The following FAM177A1 variants were observed in gnomAD, a reference collection of about 807,000 sequenced individuals.
The protein encoded by FAM177A1 is protein FAM177A1.
Under a neutral mutation model 26.1 loss-of-function variants are expected in FAM177A1, and 22 were observed. The ratio of observed to expected loss-of-function variants is 0.84; its 90% CI spans 0.60 to 1.20. The LOEUF (loss-of-function observed/expected upper bound fraction) is 1.20, where lower values mean the gene tolerates loss of function less well. FAM177A1 is among the 50% of genes most tolerant of loss of function. FAM177A1 has a pLI of 0.00. For missense variants in FAM177A1, 296 were observed against 291.1 expected, an observed-to-expected ratio of 1.02 and a Z score of -0.12; for synonymous variants, 95 against 99.3, an observed-to-expected ratio of 0.96 and a Z score of 0.26.
chr14:35,059,682 C>T (rs1017269109), intron 2 of FAM177A1, among the ~76,000 whole-genome samples: 6 of 151,398 alleles, frequency 4.0e-5, no homozygotes, highest in African/African-American at 4.9e-5. Flanking sequence ...TACAGATGCA[C>T]GCCACCACGT....
At position 35,077,219 on chromosome 14, in the gene FAM177A1, A is replaced by C. The variant is rs773841902; in HGVS notation, c.406+3A>C. Reference sequence around the variant, plus strand: ...GGCTGCTACATCAACTCTCTCAGGTATTGCTTTTCTGCTTGAATATTGTAT... The same window carrying C: ...GGCTGCTACATCAACTCTCTCAGGTCTTGCTTTTCTGCTTGAATATTGTAT... On this transcript the variant is annotated splice_donor_region_variant and intron_variant, in intron 3 of 4. Coordinates refer to ENST00000280987, the MANE Select transcript of FAM177A1 (RefSeq NM_173607.5). 3.1e-6 allele frequency: 5 copies of C among 1,613,126 alleles called. No individual in the cohort carries two copies. Among genetic ancestry groups the C allele is most frequent in the Non-Finnish European group, 4.2e-6 (5 of 1,179,402 alleles).
At position 35,046,499 on chromosome 14, in the gene FAM177A1, C is replaced by T. The variant is rs760824126; in HGVS notation, c.36C>T (p.Leu12=). ...EVGLPAITLF[L]TSASSPVVAT... is the part of the protein sequence containing the mutation. The stretch of plus-strand genomic sequence containing the variant: ...GCTTACCGGCCATTACCCTCTTTCT[C>T]ACCAGCGCCAGCAGCCCTGTGGTGG... Residue 12 remains leucine (L), a synonymous_variant, in exon 1 of 5, where the codon CTC becomes CTT. Coordinates refer to ENST00000280987, the MANE Select transcript of FAM177A1 (RefSeq NM_173607.5). 4.4e-6 allele frequency: 7 copies of T among 1,602,310 alleles called. No homozygotes were observed. In the African/African-American group the frequency reaches 8.1e-5, roughly 18 times the overall value.
intron 3 of FAM177A1, among the ~76,000 whole-genome samples, chr14:35,077,569 G>A (rs1407962565): frequency 1.5e-5 from 2 of 134,024 alleles, no homozygotes; most frequent in East Asian, 2.4e-4. Flanking sequence ...TGCAAGCTCC[G>A]CTTCCCGGGT....
At chr14:35,052,045 A>G (rs1469518998) in intron 1 of FAM177A1, among the ~76,000 whole-genome samples, 2 of 152,198 alleles carry the variant, frequency 1.3e-5, no homozygotes, top group East Asian at 1.9e-4. Context: ...AGAGAATTCT[A>G]CGAACATAGA....
chr14:35,052,684 G>A (rs2044993413), intron 1 of FAM177A1, among the ~76,000 whole-genome samples: 1 of 152,008 alleles, frequency 6.6e-6, no homozygotes, highest in East Asian at 1.9e-4. Context: ...TAAAACTTTG[G>A]GAGGCTGAAG....
chr14:35,046,377 T>C lies in FAM177A1; in HGVS notation c.-87T>C. 1 of 1,350,700 alleles carries C rather than the reference T, an allele frequency of 7.4e-7. No homozygotes were observed. Among genetic ancestry groups the C allele is most frequent in the Non-Finnish European group, 9.6e-7 (1 of 1,038,794 alleles). The allele number at this position is 1,350,700 out of a possible 1,614,324, so 83.7% of individuals were successfully genotyped here. On this transcript the variant is annotated 5_prime_UTR_variant, in exon 1 of 5. Transcript: ENST00000280987. ...CGAGTCCCCTTCTCAGAGACTTGGC[T>C]AGGCGCGGCGCGAGGCGGGCGCTGG...
rs974811522 is a variant in FAM177A1 at position 35,046,485 on chromosome 14, A to G, written c.22A>G (p.Ile8Val). ...AAGGATGGAAGTGGGCTTACCGGCC[A>G]TTACCCTCTTTCTCACCAGCGCCAG... MEVGLPA[I>V]TLFLTSASSP... Residue 8 changes from isoleucine to valine, a missense_variant, in exon 1 of 5, where the codon ATT (isoleucine) becomes GTT (valine). Physicochemically the swap from Ile to Val is conservative, Grantham distance 29. Coordinates refer to ENST00000280987, the MANE Select transcript of FAM177A1 (RefSeq NM_173607.5). The G allele has an allele frequency of 2.5e-6, 4 of 1,598,266 alleles. No individual in the cohort carries two copies. The highest frequency in any genetic ancestry group is 4.6e-5 in the East Asian group (2 of 43,848).
intron 2 of FAM177A1, among the ~76,000 whole-genome samples, chr14:35,059,082 C>A (rs922916361): frequency 6.6e-6 from 1 of 151,904 alleles, no homozygotes; most frequent in African/African-American, 2.4e-5. Flanking sequence ...ATTACAGGTG[C>A]GTGCCACCAC....
chr14:35,049,377 C>G (rs979906147), intron 1 of FAM177A1, among the ~76,000 whole-genome samples: 1 of 152,166 alleles, frequency 6.6e-6, no homozygotes, highest in African/African-American at 2.4e-5. Context: ...GTACCTACCC[C>G]CATGTTGCTA....
At position 35,081,041 on chromosome 14, in the gene FAM177A1, A is replaced by C; in HGVS notation, c.524A>C (p.Glu175Ala). Residue 175 changes from glutamate to alanine, a missense_variant, in exon 5 of 5, where the codon GAA (glutamate) becomes GCA (alanine). By Grantham distance (107) the Glu-to-Ala change is moderately radical. Transcript: ENST00000280987. ...TTTTAGGAAGAAGAAGAAGAAGAAG[A>C]AAACAGGATGTCTGAAGAAGCAGAA... ...MKKEEEEEEE[E>A]NRMSEEAEKQ... 1 of 1,610,072 alleles carries C rather than the reference A, an allele frequency of 6.2e-7. No individual in the cohort carries two copies. Among genetic ancestry groups the C allele is most frequent in the South Asian group, 1.1e-5 (1 of 90,254 alleles).
At chr14:35,072,854 C>G (rs905096822) in intron 2 of FAM177A1, among the ~76,000 whole-genome samples, 5 of 152,150 alleles carry the variant, frequency 3.3e-5, no homozygotes, top group African/African-American at 9.7e-5. Flanking sequence ...CCTCCACCCC[C>G]CCTTTCCTTT....
intron 2 of FAM177A1, among the ~76,000 whole-genome samples, chr14:35,065,731 G>A (rs2045231730): frequency 7.1e-6 from 1 of 141,432 alleles, no homozygotes; most frequent in Admixed American, 7.4e-5. Flanking sequence ...TCACCCTGTC[G>A]CTCAGGCTGG....
intron 2 of FAM177A1, among the ~76,000 whole-genome samples, chr14:35,068,581 TG>T (rs1942442161): frequency 6.6e-6 from 1 of 152,234 alleles, no homozygotes; most frequent in African/African-American, 2.4e-5. Flanking sequence ...TTATATGCCA[TG>T]GGTAACTGGA....
chr14:35,077,212 C>G lies in FAM177A1; in HGVS notation c.402C>G (p.Leu134=). The part of the protein sequence containing the change: ...FYMLRAATST[L]SVCDFLGEKI... ...TGCTTCGGGCTGCTACATCAACTCT[C>G]TCAGGTATTGCTTTTCTGCTTGAAT... is the stretch of plus-strand genomic sequence containing the variant. Residue 134 remains leucine (L), a synonymous_variant, in exon 3 of 5, where the codon CTC becomes CTG. Transcript: ENST00000280987. The G allele has an allele frequency of 1.2e-6, 2 of 1,613,626 alleles. No individual in the cohort carries two copies. Among genetic ancestry groups the G allele is most frequent in the Non-Finnish European group, 1.7e-6 (2 of 1,179,790 alleles).
rs1376630863 is a variant in FAM177A1 at position 35,053,557 on chromosome 14, ATTC to A, written c.339+109_339+111del. 1.2e-5 allele frequency: 11 copies of A among 927,180 alleles called. No homozygotes were observed. In the African/African-American group the frequency reaches 1.7e-4, roughly 14 times the overall value. 57.4% of individuals were successfully genotyped at this position (927,180 alleles called of 1,614,324 possible). ...ACCTTTTGAGGTTTAAATCAACTAT[ATTC>A]TTATTATAAAATTATGTATGGTGAT... is the stretch of plus-strand genomic sequence containing the variant. On this transcript the variant is annotated intron_variant, in intron 2 of 4. Transcript: ENST00000280987.
At chr14:35,072,350 G>T (rs2138562355) in intron 2 of FAM177A1, among the ~76,000 whole-genome samples, 1 of 152,180 alleles carries the variant, frequency 6.6e-6, no homozygotes, top group South Asian at 2.1e-4. Context: ...TTCATTAAGT[G>T]GGAAGTGGAT....
In FAM177A1 at chr14:35,080,998, C is replaced by G. The variant is rs180893734; in HGVS notation, c.505-24C>G. 27 of 1,508,546 alleles carry G rather than the reference C, an allele frequency of 1.8e-5. No homozygotes were observed. The East Asian group carries it at 6.0e-4, about 34-fold the overall frequency. The allele number at this position is 1,508,546 out of a possible 1,614,324, so 93.4% of individuals were successfully genotyped here. A position where few individuals can be genotyped will look rare whatever the true frequency, so the allele number is the denominator to read the frequency against. ...TTTGGACTTTCGTATTTCAACTATT[C>G]TTGATATTGCTCCTTTTTTTTAGGA... On this transcript the variant is annotated intron_variant, in intron 4 of 4. Coordinates refer to ENST00000280987, the MANE Select transcript of FAM177A1 (RefSeq NM_173607.5).
intron 1 of FAM177A1, 102 bp from the exon 2 acceptor site, chr14:35,053,176 T>A: frequency 9.3e-7 from 1 of 1,073,008 alleles, no homozygotes; most frequent in Non-Finnish European, 1.3e-6. Context: ...TGCTTAAAGA[T>A]TTATTTCTTT....
At chr14:35,060,191 T>C (rs1260768402) in intron 2 of FAM177A1, among the ~76,000 whole-genome samples, 1 of 151,176 alleles carries the variant, frequency 6.6e-6, no homozygotes, top group African/African-American at 2.4e-5. Context: ...GCCAGGCTGG[T>C]CTGGAACTCC....
Sources: allele counts gnomAD v4.1 joint callset (sites outside exome capture counted in the v4.1 genomes callset), GRCh38; gene constraint gnomAD v4.1.1; transcripts MANE v1.5; gene names NCBI Gene and HGNC (gene_info 2026-07-23, HGNC 2026-07-21).